MCTP2: variants seen among roughly 807,000 people sequenced by gnomAD.
The protein encoded by MCTP2 is multiple C2 and transmembrane domain containing 2.
Under a neutral mutation model 111.6 loss-of-function variants are expected in MCTP2, and 132 were observed. The observed-to-expected ratio is 1.18, with a 90% CI of 1.03 to 1.37. MCTP2 has a LOEUF of 1.37. MCTP2 is among the 40% of genes most tolerant of loss of function. The pLI is 0.00. For missense variants in MCTP2, 1,183 were observed against 1,067.9 expected, an observed-to-expected ratio of 1.11 and a Z score of -1.50; for synonymous variants, 395 against 387.7, an observed-to-expected ratio of 1.02 and a Z score of -0.22.
At chr15:94,335,450 C>T (rs548788278) in intron 4 of MCTP2, among the ~76,000 whole-genome samples, 11 of 152,272 alleles carry the variant, frequency 7.2e-5, no homozygotes, top group South Asian at 6.2e-4. Flanking sequence ...TCAGAAATAA[C>T]GTAAGTCTAA....
intron 12 of MCTP2, among the ~76,000 whole-genome samples, chr15:94,370,539 C>G (rs1201493588): frequency 6.6e-6 from 1 of 152,190 alleles, no homozygotes; most frequent in East Asian, 1.9e-4. Flanking sequence ...TTTTGCTGCT[C>G]TCTGTGCTGA....
At chr15:94,394,071 AAT>A (rs1555465796) in intron 14 of MCTP2, among the ~76,000 whole-genome samples, 13 of 147,854 alleles carry the variant, frequency 8.8e-5, no homozygotes, top group Middle Eastern at 3.4e-3. Flanking sequence ...AAAAAAAAAA[AAT>A]GTAAAAAACG....
chr15:94,416,130 C>G (rs994264574), intron 17 of MCTP2, among the ~76,000 whole-genome samples: 1 of 152,106 alleles, frequency 6.6e-6, no homozygotes, highest in Non-Finnish European at 1.5e-5. Flanking sequence ...CCTCTTAGAT[C>G]AGTTCAAATT....
At chr15:94,422,466 G>A (rs2082672283) in intron 17 of MCTP2, among the ~76,000 whole-genome samples, 2 of 152,256 alleles carry the variant, frequency 1.3e-5, no homozygotes, top group Middle Eastern at 3.4e-3. Flanking sequence ...ACATCCTTTA[G>A]CATCCCAGGC....
chr15:94,355,209 G>A (rs1048056052), intron 8 of MCTP2, among the ~76,000 whole-genome samples: 7 of 152,184 alleles, frequency 4.6e-5, no homozygotes, highest in Admixed American at 4.6e-4. Context: ...TGTGATCATA[G>A]CAGGATTTTT....
chr15:94,449,154 A>G (rs933912685), intron 19 of MCTP2, among the ~76,000 whole-genome samples: 1 of 152,238 alleles, frequency 6.6e-6, no homozygotes, highest in South Asian at 2.1e-4. Context: ...AGGGAAAAGT[A>G]ATCACTGGAA....
chr15:94,306,612 A>G (rs1432349261), intron 2 of MCTP2, among the ~76,000 whole-genome samples: 3 of 152,222 alleles, frequency 2.0e-5, no homozygotes, highest in Admixed American at 1.3e-4. Context: ...CACAAGGATA[A>G]TTATCAAGAT....
Position 94,241,614 on chromosome 15 carries a change from T to C in MCTP2, c.-66+9950T>C, listed in dbSNP as rs780914640. 2.0e-5 allele frequency among the ~76,000 whole-genome samples: 3 copies of C among 152,288 alleles called. No individual in the cohort carries two copies. The East Asian group carries it at 5.8e-4, about 29-fold the overall frequency. ...TGATTAAGCATAGGATAGAATAGTA[T>C]AGAACAATATTATGTGCTGATGTAT... On this transcript the variant is annotated intron_variant, in intron 1 of 22. Transcript: ENST00000357742.
intron 1 of MCTP2, among the ~76,000 whole-genome samples, chr15:94,261,411 A>G (rs1223857338): frequency 2.6e-5 from 4 of 152,200 alleles, no homozygotes; most frequent in Admixed American, 2.6e-4. Flanking sequence ...TGTGTTAGGC[A>G]GCTGTGAGTC....
intron 1 of MCTP2, among the ~76,000 whole-genome samples, chr15:94,245,788 A>T (rs967897026): frequency 1.3e-5 from 2 of 151,028 alleles, no homozygotes; most frequent in Non-Finnish European, 2.9e-5. Flanking sequence ...AACCTAGTCA[A>T]TGGCTTCATT....
At chr15:94,445,590 TCTC>T (rs1307649553) in intron 19 of MCTP2, among the ~76,000 whole-genome samples, 1 of 152,204 alleles carries the variant, frequency 6.6e-6, no homozygotes, top group Non-Finnish European at 1.5e-5. Flanking sequence ...CTTGGTTTCT[TCTC>T]TGTGCAGATC....
At position 94,402,022 on chromosome 15, in the gene MCTP2, A is replaced by G. The variant is rs2081619849; in HGVS notation, c.2085+3A>G. On this transcript the variant is annotated splice_donor_region_variant and intron_variant, in intron 17 of 22. Coordinates refer to ENST00000357742, the MANE Select transcript of MCTP2 (RefSeq NM_001385001.1). ...TAAGAAGTACAATAGCATTCGCGGT[A>G]AGCTTCCTTTCTTATGTTCAAACTA... 5.6e-6 allele frequency: 9 copies of G among 1,609,326 alleles called. No individual in the cohort carries two copies. Among genetic ancestry groups the G allele is most frequent in the Non-Finnish European group, 6.8e-6 (8 of 1,178,560 alleles).
At chr15:94,447,611 A>G (rs915427101) in intron 19 of MCTP2, among the ~76,000 whole-genome samples, 1 of 150,792 alleles carries the variant, frequency 6.6e-6, no homozygotes, top group Non-Finnish European at 1.5e-5. Flanking sequence ...TCCTGGCCTC[A>G]TGTGATCTGC....
chr15:94,298,537 G>A lies in MCTP2; in HGVS notation c.272G>A (p.Ser91Asn), dbSNP rs2075381733. Residue 91 changes from serine (S) to asparagine (N), a missense_variant, in exon 2 of 23, where the codon AGC (serine) becomes AAC (asparagine). Coordinates refer to ENST00000357742, the MANE Select transcript of MCTP2 (RefSeq NM_001385001.1). The part of the protein sequence containing the change: ...SLSTAGIFPK[S>N]SSSSLKQSEE... ...TCCACTGCAGGGATCTTTCCCAAGA[G>A]CAGCAGTAGCTCCTTGAAACAGTCT... 1.2e-6 allele frequency: 2 copies of A among 1,614,176 alleles called. No homozygotes were observed. Among genetic ancestry groups the A allele is most frequent in the East Asian group, 4.5e-5 (2 of 44,874 alleles).
At chr15:94,241,480 G>A (rs2070952172) in intron 1 of MCTP2, among the ~76,000 whole-genome samples, 1 of 152,070 alleles carries the variant, frequency 6.6e-6, no homozygotes. Flanking sequence ...CTGGCCAGTC[G>A]GAAAACCAGG....
At chr15:94,324,934 A>G (rs2076789945) in intron 4 of MCTP2, among the ~76,000 whole-genome samples, 1 of 152,234 alleles carries the variant, frequency 6.6e-6, no homozygotes. Context: ...TGATGTTGCT[A>G]GAACTCTGTA....
intron 20 of MCTP2, among the ~76,000 whole-genome samples, chr15:94,468,030 CTGATAAATT>C (rs1347491528): frequency 1.3e-5 from 2 of 152,136 alleles, no homozygotes; most frequent in African/African-American, 2.4e-5. Context: ...CAAGGAAAAA[CTGATAAATT>C]TGTTCATGCG....
intron 8 of MCTP2, among the ~76,000 whole-genome samples, chr15:94,354,870 G>A (rs2078526277): frequency 6.6e-6 from 1 of 152,178 alleles, no homozygotes; most frequent in Non-Finnish European, 1.5e-5. Flanking sequence ...GAGCAAATTG[G>A]TGTCTAAATG....
intron 1 of MCTP2, among the ~76,000 whole-genome samples, chr15:94,244,708 A>T (rs1191364379): frequency 6.7e-6 from 1 of 149,294 alleles, no homozygotes; most frequent in Non-Finnish European, 1.5e-5. Flanking sequence ...ACACATACAT[A>T]TGCACCTATG....
Sources: gnomAD v4.1 joint callset for allele counts (sites outside exome capture counted in the v4.1 genomes callset) on GRCh38, gnomAD v4.1.1 for gene constraint, MANE v1.5 for transcripts, NCBI Gene and HGNC (gene_info 2026-07-23, HGNC 2026-07-21) for gene names.